The following COL14A1 variants were observed in gnomAD, a reference collection of about 807,000 sequenced individuals.
COL14A1 encodes the protein collagen type XIV alpha 1 chain.
COL14A1 carries 136 observed loss-of-function variants against 230.3 expected under a neutral mutation model. That is an observed-to-expected ratio of 0.59 (90% CI 0.51 to 0.68). The LOEUF (loss-of-function observed/expected upper bound fraction) is 0.68, where lower values mean the gene tolerates loss of function less well. Among genes scored for constraint, COL14A1 ranks in the 30% least tolerant of loss-of-function variants. COL14A1 has a pLI of 0.00. For missense variants in COL14A1, 1,976 were observed against 2,215.8 expected, an observed-to-expected ratio of 0.89 and a Z score of 2.17; for synonymous variants, 792 against 784.1, an observed-to-expected ratio of 1.01 and a Z score of -0.17.
intron 5 of COL14A1, among the ~76,000 whole-genome samples, chr8:120,173,711 A>T (rs1376288184): frequency 6.8e-6 from 1 of 147,996 alleles, no homozygotes; most frequent in East Asian, 2.0e-4. Flanking sequence ...ACTGCATCTT[A>T]TATCTATCTT....
intron 14 of COL14A1, 66 bp downstream of exon 14, chr8:120,216,556 C>T (rs1019931956): frequency 8.2e-6 from 12 of 1,466,556 alleles, no homozygotes; most frequent in Non-Finnish European, 1.1e-5. Flanking sequence ...GGCTACATAA[C>T]CAATCATCTC....
intron 22 of COL14A1, among the ~76,000 whole-genome samples, chr8:120,252,035 T>C (rs767084544): frequency 4.1e-4 from 62 of 152,194 alleles, no homozygotes; most frequent in Admixed American, 5.2e-4. Context: ...CAAATAAAAA[T>C]TGTATATATT....
intron 19 of COL14A1, among the ~76,000 whole-genome samples, chr8:120,236,944 C>T (rs189583663): frequency 2.0e-5 from 3 of 152,146 alleles, no homozygotes; most frequent in Non-Finnish European, 4.4e-5. Flanking sequence ...TGAATGTTGG[C>T]CCCCACGCTC....
chr8:120,167,981 A>C (rs967031672), intron 4 of COL14A1, among the ~76,000 whole-genome samples, 180 bp from the exon 5 acceptor site: 3 of 152,186 alleles, frequency 2.0e-5, no homozygotes, highest in Admixed American at 6.5e-5. Flanking sequence ...GTGTCTTTTC[A>C]TGTCAAAGTT....
intron 4 of COL14A1, among the ~76,000 whole-genome samples, chr8:120,167,402 G>C (rs1407820407): frequency 6.6e-6 from 1 of 152,202 alleles, no homozygotes; most frequent in Admixed American, 6.5e-5. Flanking sequence ...CATTTTCACA[G>C]GGTGTTTTAT....
At chr8:120,239,387 C>T (rs555912248) in intron 19 of COL14A1, among the ~76,000 whole-genome samples, 1 of 152,312 alleles carries the variant, frequency 6.6e-6, no homozygotes, top group African/African-American at 2.4e-5. Context: ...CTTCCTCACT[C>T]AAAAAGCCTT....
chr8:120,261,945 T>G (rs1382810394), intron 23 of COL14A1, among the ~76,000 whole-genome samples: 2 of 152,098 alleles, frequency 1.3e-5, no homozygotes, highest in Non-Finnish European at 2.9e-5. Flanking sequence ...GAGGACTCCT[T>G]GGTGGTCCCA....
intron 19 of COL14A1, among the ~76,000 whole-genome samples, chr8:120,232,711 A>G (rs1362184661): frequency 1.3e-5 from 2 of 152,220 alleles, no homozygotes; most frequent in African/African-American, 4.8e-5. Context: ...TATTGTGAGT[A>G]GTGCTGCAAT....
intron 1 of COL14A1, among the ~76,000 whole-genome samples, chr8:120,130,601 A>G (rs1317055594): frequency 1.3e-5 from 2 of 152,340 alleles, no homozygotes; most frequent in East Asian, 3.9e-4. Flanking sequence ...GCCTACGTGT[A>G]CAAGGAAAGA....
chr8:120,133,348 A>G (rs1814607023), intron 1 of COL14A1, among the ~76,000 whole-genome samples: 1 of 152,174 alleles, frequency 6.6e-6, no homozygotes, highest in African/African-American at 2.4e-5. Flanking sequence ...CAGCATAATA[A>G]AAAAGAAAAG....
intron 35 of COL14A1, among the ~76,000 whole-genome samples, chr8:120,298,600 TATATATATATA>T (rs1563724771): frequency 2.1e-3 from 81 of 38,934 alleles, no homozygotes; most frequent in African/African-American, 7.4e-3. Flanking sequence ...ATATATTTTA[TATATATATATA>T]TATATATATA....
chr8:120,185,933 C>G (rs1459330421), intron 5 of COL14A1, among the ~76,000 whole-genome samples: 1 of 152,092 alleles, frequency 6.6e-6, no homozygotes, highest in Admixed American at 6.6e-5. Flanking sequence ...CCACCACGAC[C>G]AGCTAATTTT....
chr8:120,218,279 A>C (rs1489293835), intron 14 of COL14A1, among the ~76,000 whole-genome samples: 1 of 143,858 alleles, frequency 7.0e-6, no homozygotes, highest in Non-Finnish European at 1.5e-5. Flanking sequence ...TATAATATAT[A>C]AATAGATATA....
At chr8:120,278,974 A>G (rs1702238264) in intron 28 of COL14A1, among the ~76,000 whole-genome samples, 1 of 152,122 alleles carries the variant, frequency 6.6e-6, no homozygotes, top group Admixed American at 6.6e-5. Flanking sequence ...GCAGCCATAA[A>G]AAAGAATGAG....
intron 1 of COL14A1, among the ~76,000 whole-genome samples, chr8:120,133,108 C>A (rs1221298284): frequency 1.3e-5 from 2 of 151,656 alleles, no homozygotes; most frequent in Admixed American, 1.3e-4. Flanking sequence ...CCCAGCTACA[C>A]AGGAGGCTGA....
chr8:120,273,023 A>G (rs1238338567), intron 26 of COL14A1, among the ~76,000 whole-genome samples: 1 of 151,836 alleles, frequency 6.6e-6, no homozygotes, highest in South Asian at 2.1e-4. Context: ...AACATTTTCC[A>G]AGCTAGACCA....
chr8:120,330,893 G>A (rs560454701), intron 40 of COL14A1, among the ~76,000 whole-genome samples: 7 of 152,218 alleles, frequency 4.6e-5, no homozygotes, highest in East Asian at 1.9e-4. Context: ...ATCACCTGAG[G>A]TTGGGAGTTC....
intron 45 of COL14A1, among the ~76,000 whole-genome samples, chr8:120,361,160 TCC>T (rs1823198542): frequency 6.6e-6 from 1 of 152,210 alleles, no homozygotes; most frequent in Non-Finnish European, 1.5e-5. Context: ...TCTAAGCTTT[TCC>T]ATCATCCATG....
At chr8:120,271,980 G>T (rs1024126901) in intron 26 of COL14A1, among the ~76,000 whole-genome samples, 1 of 151,572 alleles carries the variant, frequency 6.6e-6, no homozygotes, top group Admixed American at 6.6e-5. Flanking sequence ...GATCATGGTG[G>T]CCTGGACTAG....
Sources: allele counts gnomAD v4.1 joint callset (sites outside exome capture counted in the v4.1 genomes callset), GRCh38; gene constraint gnomAD v4.1.1; transcripts MANE v1.5; gene names NCBI Gene and HGNC (gene_info 2026-07-23, HGNC 2026-07-21).